Variants in SAMD4A observed in about 807,000 individuals in gnomAD.
The protein encoded by SAMD4A is protein Smaug homolog 1.
In SAMD4A, 33 loss-of-function variants were observed where a neutral mutation model predicts 81.3. The observed-to-expected ratio is 0.41, with a 90% confidence interval of 0.31 to 0.54. SAMD4A has a LOEUF of 0.54. Among genes scored for constraint, SAMD4A ranks in the 20% least tolerant of loss-of-function variants. SAMD4A has a pLI of 0.37. For synonymous variants in SAMD4A, 389 were observed against 382.1 expected, an observed-to-expected ratio of 1.02 and a Z score of -0.21; for missense variants, 854 against 951.1, an observed-to-expected ratio of 0.90 and a Z score of 1.34.
At chr14:54,566,350 C>A (rs1199651992), upstream of SAMD4A, among the ~76,000 whole-genome samples, 1 of 151,688 alleles carries the variant, frequency 6.6e-6, no homozygotes, top group Non-Finnish European at 1.5e-5. Context: ...GGGGGACCCG[C>A]GGGTCACTGG....
chr14:54,783,558 T>C (rs1434701181), intron 11 of SAMD4A, among the ~76,000 whole-genome samples: 2 of 152,308 alleles, frequency 1.3e-5, no homozygotes, highest in East Asian at 3.9e-4. Flanking sequence ...GAGCCCCTAC[T>C]GCCTGCAGAG....
At chr14:54,589,891 C>T (rs970274678) in intron 2 of SAMD4A, among the ~76,000 whole-genome samples, 1 of 152,220 alleles carries the variant, frequency 6.6e-6, no homozygotes, top group African/African-American at 2.4e-5. Flanking sequence ...CTCAGAAAAG[C>T]CTTCCCAACC....
intron 2 of SAMD4A, among the ~76,000 whole-genome samples, chr14:54,672,975 G>A (rs578128429): frequency 2.6e-5 from 4 of 152,348 alleles, no homozygotes; most frequent in South Asian, 4.2e-4. Flanking sequence ...CACCGGAAGA[G>A]ATCTTGAATG....
intron 3 of SAMD4A, among the ~76,000 whole-genome samples, chr14:54,735,765 G>A (rs2037676167): frequency 6.6e-6 from 1 of 152,236 alleles, no homozygotes; most frequent in South Asian, 2.1e-4. Flanking sequence ...AGGCCTTTAT[G>A]TTGGGACTGC....
intron 9 of SAMD4A, among the ~76,000 whole-genome samples, chr14:54,771,142 G>A (rs1386037046): frequency 6.6e-6 from 1 of 152,018 alleles, no homozygotes; most frequent in Non-Finnish European, 1.5e-5. Context: ...GGGAGATAAG[G>A]CCAGTTGAAG....
chr14:54,579,508 T>G (rs1231543909), intron 2 of SAMD4A, among the ~76,000 whole-genome samples: 3 of 152,244 alleles, frequency 2.0e-5, no homozygotes, highest in African/African-American at 7.2e-5. Context: ...AAACATGTAT[T>G]TTTAATGGTA....
intron 3 of SAMD4A, among the ~76,000 whole-genome samples, chr14:54,724,027 AG>A (rs1320068621): frequency 2.6e-5 from 4 of 150,968 alleles, no homozygotes; most frequent in Non-Finnish European, 4.4e-5. Context: ...GAAGGAAGGA[AG>A]GAAGGAAGGA....
At chr14:54,609,004 A>G (rs1387926228) in intron 2 of SAMD4A, among the ~76,000 whole-genome samples, 1 of 152,228 alleles carries the variant, frequency 6.6e-6, no homozygotes, top group African/African-American at 2.4e-5. Flanking sequence ...AATGAAGGCA[A>G]ATGTTCATTT....
chr14:54,602,689 C>G (rs745887666), intron 2 of SAMD4A, among the ~76,000 whole-genome samples: 1 of 151,630 alleles, frequency 6.6e-6, no homozygotes, highest in Non-Finnish European at 1.5e-5. Context: ...GGAGATATAC[C>G]TAATGTAAAT....
chr14:54,607,935 G>A lies in SAMD4A; in HGVS notation c.196+39823G>A, dbSNP rs367999157. On this transcript the variant is annotated intron_variant, in intron 2 of 12. Transcript: ENST00000554335. ...GGAGGCTGAGGCAGGAGAATCACTT[G>A]AACCCGGGAGGCAGAGGTTGCAATG... Among the ~76,000 whole-genome samples, 10 of 148,432 alleles carry A rather than the reference G, an allele frequency of 6.7e-5. No homozygotes were observed. The East Asian group carries it at 1.6e-3, about 24-fold the overall frequency.
chr14:54,643,181 A>G (rs2035212230), intron 2 of SAMD4A, among the ~76,000 whole-genome samples: 1 of 152,236 alleles, frequency 6.6e-6, no homozygotes, highest in African/African-American at 2.4e-5. Flanking sequence ...TGTTTACTCA[A>G]TTCACTTCTC....
At chr14:54,666,637 G>A (rs964918288) in intron 2 of SAMD4A, among the ~76,000 whole-genome samples, 1 of 152,064 alleles carries the variant, frequency 6.6e-6, no homozygotes, top group South Asian at 2.1e-4. Context: ...TTATTATTTT[G>A]ATTATAATTG....
intron 2 of SAMD4A, among the ~76,000 whole-genome samples, chr14:54,601,441 G>A (rs1003715829): frequency 6.6e-6 from 1 of 152,038 alleles, no homozygotes; most frequent in Non-Finnish European, 1.5e-5. Flanking sequence ...GTTCATCTTT[G>A]GTGTTAGTCT....
At chr14:54,769,978 C>T (rs956676496) in intron 8 of SAMD4A, 126 bp from the exon 9 acceptor site, 2 of 658,194 alleles carry the variant, frequency 3.0e-6, no homozygotes, top group African/African-American at 3.6e-5. Flanking sequence ...ACGTTTGGAC[C>T]AGGTTAGAAA....
At chr14:54,709,756 A>G (rs1383963341) in intron 3 of SAMD4A, among the ~76,000 whole-genome samples, 1 of 152,208 alleles carries the variant, frequency 6.6e-6, no homozygotes, top group Non-Finnish European at 1.5e-5. Context: ...TTCACCCATC[A>G]AGAGCAATTA....
chr14:54,661,274 C>T (rs2035637171), intron 2 of SAMD4A, among the ~76,000 whole-genome samples: 1 of 152,196 alleles, frequency 6.6e-6, no homozygotes, highest in South Asian at 2.1e-4. Context: ...ATTAGATTAA[C>T]ATAATACAGA....
chr14:54,690,178 T>A (rs962867702), intron 2 of SAMD4A: 3 of 151,998 alleles, frequency 2.0e-5, no homozygotes, highest in Admixed American at 6.6e-5. Flanking sequence ...TATACAGATA[T>A]GCAAGTCACT....
At chr14:54,625,011 C>A (rs1276867401) in intron 2 of SAMD4A, among the ~76,000 whole-genome samples, 2 of 152,098 alleles carry the variant, frequency 1.3e-5, no homozygotes, top group Non-Finnish European at 2.9e-5. Flanking sequence ...AATTTATGAC[C>A]TGAATTTGGT....
chr14:54,713,619 A>G (rs1316331220), intron 3 of SAMD4A, among the ~76,000 whole-genome samples: 2 of 152,336 alleles, frequency 1.3e-5, no homozygotes, highest in East Asian at 3.9e-4. Flanking sequence ...GGTTTGCTTT[A>G]GAGATTTGTT....
Sources: allele counts gnomAD v4.1 joint callset (sites outside exome capture counted in the v4.1 genomes callset), GRCh38; gene constraint gnomAD v4.1.1; transcripts MANE v1.5; gene names NCBI Gene and HGNC (gene_info 2026-07-23, HGNC 2026-07-21).